The following PCDHGB4 variants were observed in gnomAD, a reference collection of about 807,000 sequenced individuals.
PCDHGB4 encodes the protein protocadherin gamma subfamily B, 4, also known as protocadherin gamma-B4.
In PCDHGB4, 38 loss-of-function variants were observed where a neutral mutation model predicts 60.5. The ratio of observed to expected loss-of-function variants is 0.63; its 90% CI spans 0.48 to 0.82. PCDHGB4 has a LOEUF of 0.82. Ranked by LOEUF, PCDHGB4 falls within the 40% of genes least tolerant of loss-of-function variation. The probability of loss-of-function intolerance (pLI) is 0.00; values close to 1 mark genes in which losing one functional copy is unlikely to be tolerated. For missense variants in PCDHGB4, 1,109 were observed against 1,209.6 expected (o/e 0.92, Z 1.23); for synonymous variants, 456 against 509.7 (o/e 0.89, Z 1.42).
chr5:141,413,446 G>A, intron 1 of PCDHGB4: 1 of 1,614,130 alleles, frequency 6.2e-7, no homozygotes. Context: ...CTTGATCACC[G>A]CGGGCAGGAT....
At chr5:141,398,882 G>C in intron 1 of PCDHGB4, 1 of 1,613,930 alleles carries the variant, frequency 6.2e-7, no homozygotes, top group Non-Finnish European at 8.5e-7. Flanking sequence ...GTCAGCCTTC[G>C]GGAAAACGTG....
chr5:141,389,078 C>T lies in PCDHGB4; in HGVS notation c.1194C>T (p.Asn398=). The change falls in exon 1 of 4, where the codon AAC becomes AAT. Residue 398 remains asparagine (N), a synonymous_variant. Coordinates refer to ENST00000519479, the MANE Select transcript of PCDHGB4 (RefSeq NM_003736.4). ...TTAAAATATTAACTTCTTCAAGAAA[C>T]ACGTATAAATTAGTGACAGATGCTG... ...VPFKILTSSR[N]TYKLVTDAVL... 1 of 1,614,002 alleles carries T rather than the reference C, an allele frequency of 6.2e-7. No individual in the cohort carries two copies. The highest frequency in any genetic ancestry group is 8.5e-7 in the Non-Finnish European group (1 of 1,179,884).
chr5:141,450,977 A>G (rs2098702822), intron 1 of PCDHGB4, among the ~76,000 whole-genome samples: 1 of 151,760 alleles, frequency 6.6e-6, no homozygotes, highest in African/African-American at 2.4e-5. Context: ...GGCATGTGCC[A>G]CCACACCCGG....
intron 1 of PCDHGB4, chr5:141,404,795 G>A (rs769293241): frequency 5.0e-6 from 8 of 1,613,924 alleles, no homozygotes; most frequent in Admixed American, 1.7e-5. Flanking sequence ...CAGTGAGCCA[G>A]GGCTCTTCTC....
chr5:141,501,902 C>G (rs2154593013), intron 2 of PCDHGB4, among the ~76,000 whole-genome samples: 1 of 152,202 alleles, frequency 6.6e-6, no homozygotes, highest in East Asian at 1.9e-4. Flanking sequence ...GGTTCCAACC[C>G]CACTGTTCCA....
intron 1 of PCDHGB4, chr5:141,394,793 C>T (rs1178290546): frequency 1.1e-5 from 17 of 1,613,654 alleles, no homozygotes; most frequent in African/African-American, 2.7e-5. Flanking sequence ...CTGTCACGCT[C>T]ACCGTAGCCG....
At chr5:141,440,617 C>T (rs1469883341) in intron 1 of PCDHGB4, 1 of 152,168 alleles carries the variant, frequency 6.6e-6, no homozygotes, top group East Asian at 1.9e-4. Context: ...TGCAGAAGAT[C>T]CTGATGTTGA....
chr5:141,457,168 C>T (rs10072917), intron 1 of PCDHGB4, among the ~76,000 whole-genome samples: 42,426 of 152,004 alleles, frequency 0.28, 6,644 homozygotes, highest in African/African-American at 0.43. Context: ...ATGGATAACC[C>T]TATTGCAAAT....
At chr5:141,414,894 A>T in intron 1 of PCDHGB4, 1 of 1,613,958 alleles carries the variant, frequency 6.2e-7, no homozygotes, top group South Asian at 1.1e-5. Flanking sequence ...CCCTCCCCAC[A>T]GACGGTTCCA....
intron 1 of PCDHGB4, chr5:141,409,917 C>G: frequency 6.2e-7 from 1 of 1,613,376 alleles, no homozygotes; most frequent in South Asian, 1.1e-5. Flanking sequence ...CCTGACGGCT[C>G]CGCGTTCTTC....
rs770235234 is a variant in PCDHGB4 at position 141,422,145 on chromosome 5, G to T, written c.2397+31864G>T. On this transcript the variant is annotated intron_variant, in intron 1 of 3. Coordinates refer to ENST00000519479, the MANE Select transcript of PCDHGB4 (RefSeq NM_003736.4). Reference sequence around the variant, plus strand: ...AAACTGGAGAAGTTCAAGTACGGGGGTCTCTGGATTTTGAAAAATATAGAT... The same window carrying T: ...AAACTGGAGAAGTTCAAGTACGGGGTTCTCTGGATTTTGAAAAATATAGAT... The T allele has an allele frequency of 8.2e-6, 13 of 1,580,608 alleles. No individual in the cohort carries two copies. The African/African-American group carries it at 1.5e-4, about 18-fold the overall frequency.
intron 1 of PCDHGB4, chr5:141,413,736 G>C: frequency 6.2e-7 from 1 of 1,613,452 alleles, no homozygotes; most frequent in South Asian, 1.1e-5. Context: ...TAAGAGTTCA[G>C]AGCCGTGCCA....
chr5:141,398,367 G>A, intron 1 of PCDHGB4: 1 of 1,430,476 alleles, frequency 7.0e-7, no homozygotes, highest in Non-Finnish European at 9.7e-7. Context: ...TGAGCGCAGA[G>A]AGCGGGGAGT....
intron 1 of PCDHGB4, chr5:141,419,237 C>A (rs2096348240): frequency 6.2e-7 from 1 of 1,613,988 alleles, no homozygotes; most frequent in Non-Finnish European, 8.5e-7. Flanking sequence ...CTACCTGGTC[C>A]ACGTGCCAGA....
chr5:141,412,923 G>A, intron 1 of PCDHGB4: 1 of 420,946 alleles, frequency 2.4e-6, no homozygotes, highest in East Asian at 3.6e-5. Flanking sequence ...CTTGGGTGCA[G>A]TAACTTCTTA....
At chr5:141,410,037 G>T (rs760397726) in intron 1 of PCDHGB4, 2 of 1,613,250 alleles carry the variant, frequency 1.2e-6, no homozygotes, top group South Asian at 2.2e-5. Flanking sequence ...CTGCAGGCCA[G>T]TGAGCCCGGA....
intron 1 of PCDHGB4, among the ~76,000 whole-genome samples, chr5:141,464,964 A>G (rs1433148254): frequency 6.6e-6 from 1 of 152,030 alleles, no homozygotes; most frequent in Non-Finnish European, 1.5e-5. Flanking sequence ...CTTGTCTTGA[A>G]CTACTGGCTT....
At chr5:141,438,595 T>C (rs11949887) in intron 1 of PCDHGB4, among the ~76,000 whole-genome samples, 1,254 of 57,838 alleles carry the variant, frequency 0.022, 9 homozygotes, top group Non-Finnish European at 0.023. Flanking sequence ...TACATACATA[T>C]ATATATATAT....
chr5:141,426,704 A>C, intron 1 of PCDHGB4: 1 of 440,322 alleles, frequency 2.3e-6, no homozygotes, highest in South Asian at 1.6e-5. Context: ...TTGTTTTACA[A>C]ATCAATGAAC....
Sources: allele counts gnomAD v4.1 joint callset (sites outside exome capture counted in the v4.1 genomes callset), GRCh38; gene constraint gnomAD v4.1.1; transcripts MANE v1.5; gene names NCBI Gene and HGNC (gene_info 2026-07-23, HGNC 2026-07-21).